Variants in SUGP1 observed in about 807,000 individuals in gnomAD.
The protein encoded by SUGP1 is SURP and G-patch domain containing 1, also known as SURP and G-patch domain-containing protein 1.
In SUGP1, 34 loss-of-function variants were observed where a neutral mutation model predicts 76.5. The observed-to-expected ratio is 0.44, with a 90% CI of 0.34 to 0.59. SUGP1 has a LOEUF of 0.59. Among genes scored for constraint, SUGP1 ranks in the 20% least tolerant of loss-of-function variants. The pLI, the probability that SUGP1 is intolerant of heterozygous loss-of-function variation, is 0.01. For missense variants in SUGP1, 752 were observed against 851.7 expected (o/e 0.88, Z 1.46); for synonymous variants, 326 against 326.2 (o/e 1.00, Z 0.01).
chr19:19,284,442 C>T, intron 8 of SUGP1, among the ~76,000 whole-genome samples: 1 of 151,640 alleles, frequency 6.6e-6, no homozygotes, highest in Non-Finnish European at 1.5e-5. Context: ...TAAATGAATC[C>T]AGCATAAGGA....
At chr19:19,294,743 A>G (rs1240889409) in intron 8 of SUGP1, among the ~76,000 whole-genome samples, 1 of 151,932 alleles carries the variant, frequency 6.6e-6, no homozygotes, top group East Asian at 1.9e-4. Context: ...AGACCGCACA[A>G]CTACCTGCCC....
At chr19:19,276,792 T>C in intron 13 of SUGP1, 118 bp from the exon 14 acceptor site, 16 of 1,561,212 alleles carry the variant, frequency 1.0e-5, no homozygotes, top group Non-Finnish European at 1.4e-5. Context: ...CAGGGCAGGC[T>C]TGGGGGACGG....
intron 12 of SUGP1, 79 bp from the exon 13 acceptor site, chr19:19,277,155 C>G: frequency 2.0e-6 from 3 of 1,517,300 alleles, no homozygotes; most frequent in Non-Finnish European, 2.7e-6. Context: ...GGGCTCTCAA[C>G]AGCACCTCCC....
At chr19:19,297,429 G>GGGCAGGAGCAGT in intron 7 of SUGP1, 85 bp from the exon 8 acceptor site, 118 of 1,131,728 alleles carry the variant, frequency 1.0e-4, no homozygotes, top group Middle Eastern at 2.1e-4. Flanking sequence ...CTGGCCTTGT[G>GGGCAGGAGCAGT]TGCCCACGTT....
intron 12 of SUGP1, 57 bp from the exon 13 acceptor site, chr19:19,277,133 C>T: frequency 6.4e-7 from 1 of 1,558,660 alleles, no homozygotes. Context: ...GGCCGGGGGG[C>T]CGGGCACAGC....
chr19:19,316,687 T>A, intron 1 of SUGP1, 94 bp from the exon 2 acceptor site: 1 of 1,336,120 alleles, frequency 7.5e-7, no homozygotes, highest in Non-Finnish European at 1.0e-6. Flanking sequence ...ATGTTCAGAT[T>A]AATTTATATG....
intron 4 of SUGP1, among the ~76,000 whole-genome samples, chr19:19,304,252 C>T (rs1411836544): frequency 6.6e-6 from 1 of 152,134 alleles, no homozygotes; most frequent in East Asian, 1.9e-4. Flanking sequence ...CTGATTTAAA[C>T]ACACTGGGTG....
At chr19:19,305,264 G>A (rs1368916121) in intron 4 of SUGP1, among the ~76,000 whole-genome samples, 2 of 152,188 alleles carry the variant, frequency 1.3e-5, no homozygotes, top group East Asian at 3.9e-4. Context: ...ACAGGGACTC[G>A]TCCTGAATGT....
At chr19:19,302,132 A>T (rs1230893676) in intron 7 of SUGP1, 133 bp downstream of exon 7, 1 of 1,402,810 alleles carries the variant, frequency 7.1e-7, no homozygotes, top group Non-Finnish European at 9.7e-7. Flanking sequence ...CTCTGGGGTC[A>T]GAGACTCTTG....
At chr19:19,298,228 T>C (rs1021504673) in intron 7 of SUGP1, among the ~76,000 whole-genome samples, 3 of 152,180 alleles carry the variant, frequency 2.0e-5, no homozygotes, top group Non-Finnish European at 4.4e-5. Flanking sequence ...CCGGGCGCGG[T>C]GGCTCACGCC....
chr19:19,317,987 T>A (rs1049496747), intron 1 of SUGP1, among the ~76,000 whole-genome samples: 11 of 150,672 alleles, frequency 7.3e-5, no homozygotes, highest in African/African-American at 2.2e-4. Context: ...ATTTTTATAT[T>A]TTTAGTACAG....
chr19:19,280,600 C>A (rs780308203), intron 8 of SUGP1: 55 of 323,346 alleles, frequency 1.7e-4, no homozygotes, highest in Non-Finnish European at 2.7e-4. Context: ...TAACGAGTGA[C>A]AGGGCAGGAA....
chr19:19,283,253 T>G (rs2061114119), intron 8 of SUGP1, among the ~76,000 whole-genome samples: 1 of 152,118 alleles, frequency 6.6e-6, no homozygotes, highest in South Asian at 2.1e-4. Context: ...TGTAAACAAA[T>G]GTAAAGATGG....
chr19:19,280,502 C>G, intron 8 of SUGP1: 2 of 562,890 alleles, frequency 3.6e-6, no homozygotes, highest in Non-Finnish European at 6.4e-6. Context: ...GTCCTTGTGA[C>G]CTCTCCAGCC....
At chr19:19,288,784 C>CT (rs977052988) in intron 8 of SUGP1, among the ~76,000 whole-genome samples, 7 of 151,184 alleles carry the variant, frequency 4.6e-5, no homozygotes, top group Non-Finnish European at 5.9e-5. Context: ...CAGATTTTCT[C>CT]TTTTTTTTTC....
At chr19:19,306,133 T>C in intron 3 of SUGP1, 57 bp from the exon 4 acceptor site, 1 of 1,444,044 alleles carries the variant, frequency 6.9e-7, no homozygotes, top group Non-Finnish European at 9.2e-7. Flanking sequence ...TCTCCCGGCT[T>C]CCGACCTAAC....
chr19:19,280,727 G>A (rs898001152), intron 8 of SUGP1: 4 of 171,656 alleles, frequency 2.3e-5, no homozygotes, highest in Non-Finnish European at 3.8e-5. Flanking sequence ...GTGTAAGCGC[G>A]CACAGATTCA....
At chr19:19,299,553 T>G (rs2061255231) in intron 7 of SUGP1, among the ~76,000 whole-genome samples, 1 of 151,174 alleles carries the variant, frequency 6.6e-6, no homozygotes, top group East Asian at 2.0e-4. Flanking sequence ...TTTTTTTTTT[T>G]TGTATTTTTT....
chr19:19,298,996 C>T (rs1027315139), intron 7 of SUGP1, among the ~76,000 whole-genome samples: 4 of 152,268 alleles, frequency 2.6e-5, no homozygotes, highest in Non-Finnish European at 4.4e-5. Context: ...AAGTGGAGCC[C>T]CCCAACACCC....
Sources: gnomAD v4.1 joint callset for allele counts (sites outside exome capture counted in the v4.1 genomes callset) on GRCh38, gnomAD v4.1.1 for gene constraint, MANE v1.5 for transcripts, NCBI Gene and HGNC (gene_info 2026-07-23, HGNC 2026-07-21) for gene names.